The following ZNF438 variants were observed in gnomAD, a reference collection of about 807,000 sequenced individuals.
The protein encoded by ZNF438 is zinc finger protein 438.
In ZNF438, 25 loss-of-function variants were observed where a neutral mutation model predicts 38.0. The observed-to-expected ratio is 0.66, with a 90% CI of 0.48 to 0.92. The LOEUF is 0.92. Ranked by LOEUF, ZNF438 falls within the 40% of genes least tolerant of loss-of-function variation. The probability of loss-of-function intolerance (pLI) is 0.00; values close to 1 mark genes in which losing one functional copy is unlikely to be tolerated. For missense variants in ZNF438, 1,007 were observed against 999.6 expected, an observed-to-expected ratio of 1.01 and a Z score of -0.10; for synonymous variants, 372 against 364.1, an observed-to-expected ratio of 1.02 and a Z score of -0.25.
intron 4 of ZNF438, among the ~76,000 whole-genome samples, chr10:30,869,545 T>A (rs2037052029): frequency 6.6e-6 from 1 of 152,232 alleles, no homozygotes; most frequent in African/African-American, 2.4e-5. Context: ...CCCAGGTCAT[T>A]TCCATTTATT....
rs1564574714 is a variant in ZNF438 at position 30,888,362 on chromosome 10, A to ACACACACACACACACACACACACAC, written c.-31-11298_-31-11297insGTGTGTGTGTGTGTGTGTGTGTGTG. On this transcript the variant is annotated intron_variant, in intron 3 of 5. Coordinates refer to ENST00000413025, the Ensembl canonical transcript of ZNF438. ...TATTATAAACACACACACACACACA[A>ACACACACACACACACACACACACAC]ACACACACATTTAGCTTTTATTTTA... Among the ~76,000 whole-genome samples, 86 of 36,542 alleles carry ACACACACACACACACACACACACAC rather than the reference A, an allele frequency of 2.4e-3. 1 individual carries two copies. Among genetic ancestry groups the ACACACACACACACACACACACACAC allele is most frequent in the African/African-American group, 6.1e-3 (83 of 13,540 alleles). The allele number at this position is 36,542 out of a possible 152,430, so 24.0% of individuals were successfully genotyped here. A position where few individuals can be genotyped will look rare whatever the true frequency, so the allele number is the denominator to read the frequency against.
chr10:30,888,536 T>C (rs1023969414), intron 3 of ZNF438, among the ~76,000 whole-genome samples: 1 of 152,076 alleles, frequency 6.6e-6, no homozygotes, highest in Non-Finnish European at 1.5e-5. Context: ...CTCCACCCTC[T>C]ACCCTCAAGT....
chr10:30,949,911 C>T (rs2047956978), intron 1 of ZNF438, among the ~76,000 whole-genome samples: 1 of 152,204 alleles, frequency 6.6e-6, no homozygotes, highest in Non-Finnish European at 1.5e-5. Flanking sequence ...TAGACATCTA[C>T]AGAACTCTCT....
intron 5 of ZNF438, 82 bp from the exon 7 acceptor site, chr10:30,845,655 G>A (rs753602432): frequency 6.0e-5 from 90 of 1,503,032 alleles, no homozygotes; most frequent in Non-Finnish European, 7.7e-5. Context: ...CAGCCTTCAG[G>A]GATCTAAAAC....
At chr10:31,025,491 C>CGA (rs2056883081) in intron 1 of ZNF438, among the ~76,000 whole-genome samples, 1 of 152,224 alleles carries the variant, frequency 6.6e-6, no homozygotes, top group Non-Finnish European at 1.5e-5. Context: ...ATTTATTTCA[C>CGA]ACTGCTTGGT....
intron 2 of ZNF438, among the ~76,000 whole-genome samples, chr10:30,934,503 G>T (rs1202552622): frequency 3.3e-5 from 5 of 152,140 alleles, no homozygotes; most frequent in Non-Finnish European, 7.3e-5. Flanking sequence ...TATATTTGAA[G>T]CATTTGTAAG....
intron 3 of ZNF438, among the ~76,000 whole-genome samples, chr10:30,900,480 G>C (rs747493278): frequency 1.3e-5 from 2 of 152,070 alleles, no homozygotes; most frequent in Non-Finnish European, 2.9e-5. Flanking sequence ...CTATTTTATT[G>C]GTACAACAGC....
At position 30,848,976 on chromosome 10, in the gene ZNF438, T is replaced by G. The variant is rs1466895522; in HGVS notation, c.1429A>C (p.Lys477Gln). Residue 477 changes from lysine (K) to glutamine (Q), a missense_variant, in exon 5 of 6, where the codon AAA (lysine) becomes CAA (glutamine). Transcript: ENST00000413025. ...TTGTCTTGCTTACAGCCAAGATATTTAGGAGTGAGTGAATTATTTAACAAA... is the reference window on the plus strand; with the variant it reads ...TTGTCTTGCTTACAGCCAAGATATTGAGGAGTGAGTGAATTATTTAACAAA... 3 of 1,614,082 alleles carry G rather than the reference T, an allele frequency of 1.9e-6. No homozygotes were observed. The African/African-American group carries it at 4.0e-5, about 22-fold the overall frequency.
At chr10:30,859,978 C>CT (rs1678281122) in intron 4 of ZNF438, among the ~76,000 whole-genome samples, 1 of 152,164 alleles carries the variant, frequency 6.6e-6, no homozygotes, top group Non-Finnish European at 1.5e-5. Flanking sequence ...AAAAATCTCT[C>CT]TGCCCTTCTG....
At chr10:30,897,160 A>G (rs1299453040) in intron 3 of ZNF438, among the ~76,000 whole-genome samples, 1 of 152,164 alleles carries the variant, frequency 6.6e-6, no homozygotes, top group African/African-American at 2.4e-5. Context: ...TTCTTAGCAT[A>G]TGTCTTTTTG....
chr10:30,930,541 T>C (rs1166450774), intron 2 of ZNF438, among the ~76,000 whole-genome samples: 1 of 151,956 alleles, frequency 6.6e-6, no homozygotes, highest in Non-Finnish European at 1.5e-5. Context: ...GTGGACGCCA[T>C]GGCCTGAGGA....
chr10:31,020,067 C>A (rs1169601927), intron 1 of ZNF438, among the ~76,000 whole-genome samples: 1 of 152,098 alleles, frequency 6.6e-6, no homozygotes, highest in Non-Finnish European at 1.5e-5. Context: ...TATCACTAGG[C>A]AAATAAGAGC....
intron 1 of ZNF438, among the ~76,000 whole-genome samples, chr10:31,028,692 C>T (rs1358368748): frequency 6.6e-6 from 1 of 152,148 alleles, no homozygotes; most frequent in Non-Finnish European, 1.5e-5. Context: ...ATACCCTGCT[C>T]CTCTAAGGTA....
intron 1 of ZNF438, among the ~76,000 whole-genome samples, chr10:31,016,844 G>A (rs1272779134): frequency 6.6e-6 from 1 of 152,154 alleles, no homozygotes; most frequent in African/African-American, 2.4e-5. Flanking sequence ...AGCTAAATAC[G>A]TACCAAAGGT....
chr10:30,987,174 G>T (rs370925348), intron 1 of ZNF438, among the ~76,000 whole-genome samples: 1 of 151,914 alleles, frequency 6.6e-6, no homozygotes, highest in African/African-American at 2.4e-5. Flanking sequence ...TTGAACTAAG[G>T]CTGGGTGTGG....
At chr10:30,873,989 A>T (rs2037913014) in intron 4 of ZNF438, among the ~76,000 whole-genome samples, 1 of 151,992 alleles carries the variant, frequency 6.6e-6, no homozygotes, top group African/African-American at 2.4e-5. Flanking sequence ...TAAATAAATC[A>T]ATCTGCATTT....
chr10:30,911,098 TA>T (rs1158451002), intron 2 of ZNF438, among the ~76,000 whole-genome samples: 2 of 152,078 alleles, frequency 1.3e-5, no homozygotes, highest in Non-Finnish European at 2.9e-5. Flanking sequence ...CTTGGCACAT[TA>T]AAAAAATGGA....
intron 1 of ZNF438, among the ~76,000 whole-genome samples, chr10:30,964,432 C>T (rs1371421129): frequency 6.6e-6 from 1 of 152,152 alleles, no homozygotes; most frequent in African/African-American, 2.4e-5. Context: ...TGATTAGTGT[C>T]CATATCCTCT....
At chr10:30,913,949 A>T (rs1349493541) in intron 2 of ZNF438, among the ~76,000 whole-genome samples, 2 of 152,136 alleles carry the variant, frequency 1.3e-5, no homozygotes, top group Non-Finnish European at 2.9e-5. Flanking sequence ...AATCCAAATG[A>T]CTAAAATGAC....
Sources: gnomAD v4.1 joint callset for allele counts (sites outside exome capture counted in the v4.1 genomes callset) on GRCh38, gnomAD v4.1.1 for gene constraint, MANE v1.5 for transcripts, NCBI Gene and HGNC (gene_info 2026-07-23, HGNC 2026-07-21) for gene names.